The following RPS6KC1 variants were observed in gnomAD, a reference collection of about 807,000 sequenced individuals.
RPS6KC1 encodes the protein inactive ribosomal protein S6 kinase delta-1.
A neutral mutation model predicts 103.8 loss-of-function variants in RPS6KC1; 54 were observed. The observed-to-expected ratio is 0.52, with a 90% confidence interval of 0.42 to 0.65. The LOEUF is 0.65. Ranked by LOEUF, RPS6KC1 falls within the 30% of genes least tolerant of loss-of-function variation. The pLI, the probability that RPS6KC1 is intolerant of heterozygous loss-of-function variation, is 0.00. For synonymous variants in RPS6KC1, 439 were observed against 438.7 expected, an observed-to-expected ratio of 1.00 and a Z score of -0.01; for missense variants, 1,151 against 1,253.8, an observed-to-expected ratio of 0.92 and a Z score of 1.24.
At chr1:213,550,742 G>A in the RPS6KC1 span, among the ~76,000 whole-genome samples, 2 of 152,108 alleles carry the variant, frequency 1.3e-5, no homozygotes, top group African/African-American at 4.8e-5. Context: ...CCAAAATGAT[G>A]GATGGTAACC....
At chr1:213,133,129 C>T (rs1351793866) in intron 6 of RPS6KC1, among the ~76,000 whole-genome samples, 1 of 152,172 alleles carries the variant, frequency 6.6e-6, no homozygotes, top group Non-Finnish European at 1.5e-5. Flanking sequence ...GGACTGTCTA[C>T]TCTTCTAAAT....
At chr1:213,504,915 C>T in the RPS6KC1 span, among the ~76,000 whole-genome samples, 1 of 152,032 alleles carries the variant, frequency 6.6e-6, no homozygotes, top group Non-Finnish European at 1.5e-5. Flanking sequence ...TGATATGATG[C>T]ATAGCATCCA....
chr1:213,246,400 T>C (rs2094454948), intron 12 of RPS6KC1, among the ~76,000 whole-genome samples: 1 of 152,178 alleles, frequency 6.6e-6, no homozygotes, highest in Admixed American at 6.6e-5. Flanking sequence ...ATTAGGAGAC[T>C]TGTAGATACT....
the RPS6KC1 span, among the ~76,000 whole-genome samples, chr1:213,592,396 A>T: frequency 6.6e-6 from 1 of 152,230 alleles, no homozygotes; most frequent in Non-Finnish European, 1.5e-5. Context: ...TAATTTAAAA[A>T]TTTTATTAAA....
At chr1:213,634,986 A>G in the RPS6KC1 span, among the ~76,000 whole-genome samples, 1 of 152,200 alleles carries the variant, frequency 6.6e-6, no homozygotes, top group Non-Finnish European at 1.5e-5. Context: ...AGAGAATACT[A>G]TAAAGACCTC....
At chr1:213,818,246 T>G in the RPS6KC1 span, 3 of 152,246 alleles carry the variant, frequency 2.0e-5, no homozygotes, top group African/African-American at 7.2e-5. Context: ...CTAGAGATGA[T>G]TAAGCTCAGT....
chr1:213,188,548 G>T (rs1326422768), intron 8 of RPS6KC1, among the ~76,000 whole-genome samples: 3 of 152,066 alleles, frequency 2.0e-5, no homozygotes, highest in African/African-American at 7.2e-5. Context: ...TTCTATTGGA[G>T]AGGGGGGCGT....
At chr1:213,532,806 T>C in the RPS6KC1 span, among the ~76,000 whole-genome samples, 1 of 152,122 alleles carries the variant, frequency 6.6e-6, no homozygotes, top group Non-Finnish European at 1.5e-5. Flanking sequence ...AAGGGGGTGA[T>C]TGTCAGCATG....
intron 3 of RPS6KC1, among the ~76,000 whole-genome samples, chr1:213,094,080 T>G (rs1216901936): frequency 1.1e-5 from 1 of 91,032 alleles, no homozygotes; most frequent in Non-Finnish European, 2.5e-5. Flanking sequence ...ATTTCAAATT[T>G]ATGCTCCCCC....
chr1:213,757,586 A>T, the RPS6KC1 span, among the ~76,000 whole-genome samples: 2 of 152,250 alleles, frequency 1.3e-5, no homozygotes, highest in African/African-American at 4.8e-5. Flanking sequence ...ATAATATAAA[A>T]ATTCAAGGTG....
chr1:213,563,174 T>A, the RPS6KC1 span, among the ~76,000 whole-genome samples: 5 of 152,210 alleles, frequency 3.3e-5, no homozygotes, highest in African/African-American at 1.2e-4. Context: ...GCATTTGCAA[T>A]TGTCTTATTT....
chr1:213,375,792 C>G, the RPS6KC1 span, among the ~76,000 whole-genome samples: 1 of 152,206 alleles, frequency 6.6e-6, no homozygotes, highest in Non-Finnish European at 1.5e-5. Context: ...GACACTCCTT[C>G]TCTAACTGTT....
At chr1:213,253,071 A>G (rs1209808587) in intron 12 of RPS6KC1, among the ~76,000 whole-genome samples, 1 of 152,208 alleles carries the variant, frequency 6.6e-6, no homozygotes, top group Non-Finnish European at 1.5e-5. Context: ...TAGGAGTTCT[A>G]AATTACAATA....
intron 5 of RPS6KC1, among the ~76,000 whole-genome samples, chr1:213,119,482 ATATATATATATATATAT>A (rs2084126807): frequency 3.2e-5 from 1 of 31,048 alleles, no homozygotes; most frequent in African/African-American, 9.4e-5. Context: ...ATATATATAT[ATATATATATATATATAT>A]GAGAGTATTC....
the RPS6KC1 span, among the ~76,000 whole-genome samples, chr1:213,588,491 G>A: frequency 7.2e-5 from 11 of 151,998 alleles, no homozygotes; most frequent in African/African-American, 2.7e-4. Context: ...AGTCGAGACG[G>A]GGTTTCACTA....
chr1:213,484,604 C>T, the RPS6KC1 span, among the ~76,000 whole-genome samples: 1 of 152,208 alleles, frequency 6.6e-6, no homozygotes, highest in African/African-American at 2.4e-5. Context: ...ACTCTATTCA[C>T]TAGGAACAAG....
rs1187866965 is a variant in RPS6KC1 at position 213,273,066 on chromosome 1, C to T, written c.*432C>T. 3 of 158,180 alleles carry T rather than the reference C, an allele frequency of 1.9e-5. No individual in the cohort carries two copies. Among genetic ancestry groups the T allele is most frequent in the Non-Finnish European group, 2.8e-5 (2 of 71,014 alleles). 9.8% of individuals were successfully genotyped at this position (158,180 alleles called of 1,614,324 possible). A position where few individuals can be genotyped will look rare whatever the true frequency, so the allele number is the denominator to read the frequency against. On this transcript the variant is annotated 3_prime_UTR_variant, in exon 15 of 15. Transcript: ENST00000366960. ...TTAAATTAATATTTGCTTAATAATA[C>T]ACTAAAAGTATATGAACAATGTCAT...
chr1:213,791,335 G>A, the RPS6KC1 span, among the ~76,000 whole-genome samples: 2 of 152,070 alleles, frequency 1.3e-5, no homozygotes, highest in Non-Finnish European at 2.9e-5. Context: ...GGAAGATCTC[G>A]AGCAGAAAAG....
At chr1:213,751,726 G>A in the RPS6KC1 span, among the ~76,000 whole-genome samples, 1 of 152,132 alleles carries the variant, frequency 6.6e-6, no homozygotes, top group African/African-American at 2.4e-5. Flanking sequence ...TTGTTAGTTT[G>A]GGGCACTCTT....
Sources: gnomAD v4.1 joint callset for allele counts (sites outside exome capture counted in the v4.1 genomes callset) on GRCh38, gnomAD v4.1.1 for gene constraint, MANE v1.5 for transcripts, NCBI Gene and HGNC (gene_info 2026-07-23, HGNC 2026-07-21) for gene names.